Variants in TGDS observed in about 807,000 individuals in gnomAD.
TGDS encodes UDP-D-glucose 4,6-dehydratase.
A neutral mutation model predicts 52.3 loss-of-function variants in TGDS; 47 were observed. The ratio of observed to expected loss-of-function variants is 0.90; its 90% CI spans 0.71 to 1.15. The LOEUF is 1.15. Ranked by LOEUF, TGDS falls within the 50% of genes most tolerant of loss-of-function variation. The pLI is 0.00. For synonymous variants in TGDS, 115 were observed against 136.9 expected, an observed-to-expected ratio of 0.84 and a Z score of 1.12; for missense variants, 375 against 418.4, an observed-to-expected ratio of 0.90 and a Z score of 0.90.
intron 10 of TGDS, among the ~76,000 whole-genome samples, chr13:94,576,920 G>A (rs767823934): frequency 6.6e-6 from 1 of 152,072 alleles, no homozygotes; most frequent in African/African-American, 2.4e-5. Context: ...GGCCAACATG[G>A]TGCAAACCCG....
intron 4 of TGDS, among the ~76,000 whole-genome samples, chr13:94,590,639 A>G (rs772921904): frequency 3.9e-5 from 6 of 152,140 alleles, no homozygotes; most frequent in African/African-American, 7.2e-5. Context: ...GTTAAACTCA[A>G]GTTTTCAGAC....
Position 94,574,770 on chromosome 13 carries a change from T to C in TGDS, c.*12A>G, listed in dbSNP as rs551978856. The C allele has an allele frequency of 2.9e-5, 45 of 1,571,782 alleles. No individual in the cohort carries two copies. The highest frequency in any genetic ancestry group is 3.7e-5 in the Non-Finnish European group (42 of 1,145,044). ...TCTTCTTTGACAACTGTCTCGACTA[T>C]ATAAATGGTGATTATACCGGAAAGG... On this transcript the variant is annotated 3_prime_UTR_variant, in exon 12 of 12. Coordinates refer to ENST00000261296, the MANE Select transcript of TGDS (RefSeq NM_014305.4).
chr13:94,578,646 A>C, intron 8 of TGDS, 84 bp downstream of exon 8: 2 of 1,044,466 alleles, frequency 1.9e-6, no homozygotes, highest in East Asian at 2.5e-5. Context: ...ATGGCCTTTA[A>C]GACTTTATGA....
intron 8 of TGDS, 138 bp from the exon 9 acceptor site, chr13:94,578,308 A>G (rs1458791792): frequency 1.1e-6 from 1 of 886,994 alleles, no homozygotes; most frequent in South Asian, 1.7e-5. Flanking sequence ...AAATTCTCGT[A>G]GCTTTTCTAA....
chr13:94,589,930 A>T (rs1889131040), intron 4 of TGDS, among the ~76,000 whole-genome samples: 1 of 152,106 alleles, frequency 6.6e-6, no homozygotes, highest in Non-Finnish European at 1.5e-5. Flanking sequence ...TGTAATGTAT[A>T]CTTATGTATC....
intron 4 of TGDS, among the ~76,000 whole-genome samples, chr13:94,586,515 C>T (rs1214444662): frequency 6.6e-6 from 1 of 152,114 alleles, no homozygotes; most frequent in Non-Finnish European, 1.5e-5. Flanking sequence ...GTGTAAAGAA[C>T]AATGGACCCA....
Position 94,591,465 on chromosome 13 carries a change from C to A in TGDS, c.223-522G>T, listed in dbSNP as rs182331341. ...AAAATTAGCTGGGCATGGTAGCAGG[C>A]GCCTGTAATCCCAGCTAGTCGGGAG... is the stretch of plus-strand genomic sequence containing the variant. On this transcript the variant is annotated intron_variant, in intron 3 of 11. Coordinates refer to ENST00000261296, the MANE Select transcript of TGDS (RefSeq NM_014305.4). Among the ~76,000 whole-genome samples the A allele has an allele frequency of 5.2e-4, 79 of 152,060 alleles. 1 individual carries two copies. The highest frequency in any genetic ancestry group is 1.6e-4 in the Non-Finnish European group (11 of 68,020).
At chr13:94,585,400 T>G (rs535108280) in intron 4 of TGDS, among the ~76,000 whole-genome samples, 1 of 152,074 alleles carries the variant, frequency 6.6e-6, no homozygotes, top group Non-Finnish European at 1.5e-5. Flanking sequence ...AATGACATAA[T>G]TAGGATATCA....
At chr13:94,595,834 C>T in intron 1 of TGDS, 1 of 608,130 alleles carries the variant, frequency 1.6e-6, no homozygotes. Flanking sequence ...AGTAACGCAG[C>T]TTTGGAAGAG....
chr13:94,590,791 T>C, intron 4 of TGDS, 62 bp downstream of exon 4: 4 of 1,282,722 alleles, frequency 3.1e-6, no homozygotes, highest in Non-Finnish European at 4.3e-6. Context: ...AATATAAGTA[T>C]TAGGGGGGCG....
At chr13:94,574,998 T>A (rs1195469541) in intron 11 of TGDS, 146 bp from the exon 12 acceptor site, 3 of 488,680 alleles carry the variant, frequency 6.1e-6, no homozygotes, top group African/African-American at 3.9e-5. Context: ...ATGTAAACAA[T>A]TTGATTTTGA....
rs148121843 is a variant in TGDS, at chr13:94,590,176, T to C, written c.313+677A>G. Among the ~76,000 whole-genome samples, 16 of 147,880 alleles carry C rather than the reference T, an allele frequency of 1.1e-4. No homozygotes were observed. The East Asian group carries it at 3.1e-3, about 29-fold the overall frequency. On this transcript the variant is annotated intron_variant, in intron 4 of 11. Transcript: ENST00000261296. ...AAAACTCTACATATCATTATATATA[T>C]ATATAAAATATATATTTAACATATA...
At position 94,590,896 on chromosome 13, in the gene TGDS, C is replaced by T; in HGVS notation, c.270G>A (p.Glu90=). 2 of 1,576,096 alleles carry T rather than the reference C, an allele frequency of 1.3e-6. No individual in the cohort carries two copies. The highest frequency in any genetic ancestry group is 1.2e-5 in the South Asian group (1 of 83,182). ...SHFVKLLFET[E]KIDIVLHFAA... ...CAAAATGTAGTACTATATCTATTTT[C>T]TCTGTTTCAAAAAGCAGTTTCACAA... Residue 90 remains glutamate (E), a synonymous_variant, in exon 4 of 12, where the codon GAG becomes GAA. Coordinates refer to ENST00000261296, the MANE Select transcript of TGDS (RefSeq NM_014305.4).
At chr13:94,595,605 G>A (rs965710098) in intron 1 of TGDS, among the ~76,000 whole-genome samples, 1 of 152,174 alleles carries the variant, frequency 6.6e-6, no homozygotes, top group Non-Finnish European at 1.5e-5. Flanking sequence ...GTCTGAGGAA[G>A]AAAAGGGTGT....
chr13:94,578,347 C>T (rs923639277), intron 8 of TGDS, among the ~76,000 whole-genome samples, 177 bp from the exon 9 acceptor site: 2 of 152,152 alleles, frequency 1.3e-5, no homozygotes, highest in African/African-American at 2.4e-5. Context: ...AATCTCCAAA[C>T]CTTCTGAGGG....
At chr13:94,577,344 T>C in intron 10 of TGDS, 27 bp downstream of exon 10, 1 of 1,529,094 alleles carries the variant, frequency 6.5e-7, no homozygotes. Context: ...TCACAACCTT[T>C]CCCCAAGGTT....
upstream of TGDS, chr13:94,596,262 T>C (rs1372091854): frequency 9.6e-7 from 1 of 1,043,086 alleles, no homozygotes; most frequent in Admixed American, 2.6e-5. Flanking sequence ...AGAGGCAGCT[T>C]CCGGAGACTG....
In TGDS at chr13:94,581,256, G is replaced by A. The variant is rs114389938; in HGVS notation, c.457-67C>T. ...TTTAAGTATAGAAATCAGAGCATAT[G>A]TTAACACTTCAAATGTCAATCACCA... On this transcript the variant is annotated intron_variant, in intron 5 of 11. Coordinates refer to ENST00000261296, the MANE Select transcript of TGDS (RefSeq NM_014305.4). The A allele has an allele frequency of 2.7e-3, 2,834 of 1,042,646 alleles. 56 individuals carry two copies. The African/African-American group carries it at 0.04, about 15-fold the overall frequency. 64.6% of individuals were successfully genotyped at this position (1,042,646 alleles called of 1,614,324 possible).
intron 5 of TGDS, 102 bp from the exon 6 acceptor site, chr13:94,581,291 A>G: frequency 1.4e-6 from 1 of 726,114 alleles, no homozygotes. Context: ...AAATTTTAAA[A>G]GCCACTTCTT....
Sources: allele counts gnomAD v4.1 joint callset (sites outside exome capture counted in the v4.1 genomes callset), GRCh38; gene constraint gnomAD v4.1.1; transcripts MANE v1.5; gene names NCBI Gene and HGNC (gene_info 2026-07-23, HGNC 2026-07-21).